The following KCNIP4 variants were observed in gnomAD, a reference collection of about 807,000 sequenced individuals.
KCNIP4 encodes the protein potassium voltage-gated channel interacting protein 4.
A neutral mutation model predicts 34.0 loss-of-function variants in KCNIP4; 12 were observed. That is an observed-to-expected ratio of 0.35 (90% confidence interval 0.23 to 0.57). The LOEUF is 0.57. KCNIP4 is among the 20% of genes least tolerant of loss of function. The probability of loss-of-function intolerance (pLI) is 0.83; values close to 1 mark genes in which losing one functional copy is unlikely to be tolerated. For synonymous variants in KCNIP4, 124 were observed against 102.2 expected, an observed-to-expected ratio of 1.21 and a Z score of -1.29; for missense variants, 238 against 311.7, an observed-to-expected ratio of 0.76 and a Z score of 1.78.
intron 1 of KCNIP4, among the ~76,000 whole-genome samples, chr4:21,603,458 G>T (rs112818157): frequency 0.014 from 2,176 of 152,268 alleles, 20 homozygotes; most frequent in Non-Finnish European, 0.025. Context: ...AAAGAAGAAA[G>T]TGCAAAATCC....
At chr4:20,949,266 T>C (rs1732521190) in intron 1 of KCNIP4, among the ~76,000 whole-genome samples, 1 of 152,224 alleles carries the variant, frequency 6.6e-6, no homozygotes, top group East Asian at 1.9e-4. Context: ...TTGAATAAAA[T>C]GTATTATGCT....
intron 1 of KCNIP4, among the ~76,000 whole-genome samples, chr4:21,228,256 A>G (rs182447594): frequency 6.6e-6 from 1 of 152,068 alleles, no homozygotes; most frequent in African/African-American, 2.4e-5. Flanking sequence ...GTGAGTTCTT[A>G]CAAGATCTGA....
At chr4:20,819,774 C>G (rs1458455536) in intron 3 of KCNIP4, among the ~76,000 whole-genome samples, 1 of 152,112 alleles carries the variant, frequency 6.6e-6, no homozygotes, top group East Asian at 1.9e-4. Flanking sequence ...GCTCTTCCAC[C>G]CCTTCTACCA....
intron 1 of KCNIP4, among the ~76,000 whole-genome samples, chr4:21,141,631 A>G (rs1751959541): frequency 6.6e-6 from 1 of 152,180 alleles, no homozygotes; most frequent in African/African-American, 2.4e-5. Context: ...ATACACGCTT[A>G]CCATAGAAGA....
At chr4:20,882,536 G>A in intron 2 of KCNIP4, 72 bp downstream of exon 2, 2 of 957,476 alleles carry the variant, frequency 2.1e-6, no homozygotes, top group African/African-American at 1.6e-5. Context: ...GTAGAGAACG[G>A]CAATGCATGC....
intron 1 of KCNIP4, among the ~76,000 whole-genome samples, chr4:21,141,878 A>C (rs970653244): frequency 6.6e-6 from 1 of 150,376 alleles, no homozygotes; most frequent in Non-Finnish European, 1.5e-5. Context: ...AAAAAAAAAA[A>C]CCCTGGCTCA....
intron 1 of KCNIP4, among the ~76,000 whole-genome samples, chr4:20,970,209 G>A (rs1734794278): frequency 6.6e-6 from 1 of 152,128 alleles, no homozygotes; most frequent in African/African-American, 2.4e-5. Flanking sequence ...CCAAAGTGCT[G>A]GGATTACAGG....
At chr4:21,438,719 AT>A (rs1205602031) in intron 1 of KCNIP4, among the ~76,000 whole-genome samples, 1 of 152,206 alleles carries the variant, frequency 6.6e-6, no homozygotes, top group Middle Eastern at 3.2e-3. Context: ...CATTTACATA[AT>A]CATTTTATTA....
intron 1 of KCNIP4, among the ~76,000 whole-genome samples, chr4:21,431,666 G>C (rs1726460882): frequency 6.6e-6 from 1 of 152,006 alleles, no homozygotes; most frequent in African/African-American, 2.4e-5. Flanking sequence ...AAATGATGCA[G>C]AATGGGGATA....
chr4:21,906,381 C>G (rs560805788), intron 1 of KCNIP4, among the ~76,000 whole-genome samples: 1 of 151,990 alleles, frequency 6.6e-6, no homozygotes, highest in Admixed American at 6.6e-5. Context: ...GAAAAGCGAA[C>G]GTGAAGATAG....
intron 1 of KCNIP4, among the ~76,000 whole-genome samples, chr4:21,454,222 C>T (rs1728740269): frequency 1.3e-5 from 2 of 152,072 alleles, no homozygotes; most frequent in South Asian, 2.1e-4. Flanking sequence ...AATCTCCCAA[C>T]AGTGCCAACG....
Position 21,458,219 on chromosome 4 carries a change from C to T in KCNIP4, c.61+490352G>A, listed in dbSNP as rs1158369899. On this transcript the variant is annotated intron_variant, in intron 1 of 8. Coordinates refer to ENST00000382152, the MANE Select transcript of KCNIP4 (RefSeq NM_025221.6). Reference sequence around the variant, plus strand: ...CCATGTGATCTCATTGTTCAATTCCCACCTATGAGTGAGAATATGCGGTGT... The same window carrying T: ...CCATGTGATCTCATTGTTCAATTCCTACCTATGAGTGAGAATATGCGGTGT... Among the ~76,000 whole-genome samples, 7 of 146,872 alleles carry T rather than the reference C, an allele frequency of 4.8e-5. No individual in the cohort carries two copies. In the South Asian group the frequency reaches 1.1e-3, roughly 23 times the overall value.
chr4:20,910,016 G>T (rs1243090638), intron 1 of KCNIP4, among the ~76,000 whole-genome samples: 1 of 152,158 alleles, frequency 6.6e-6, no homozygotes, highest in East Asian at 1.9e-4. Flanking sequence ...ATTTCTATAG[G>T]TTTAAGCAGC....
intron 1 of KCNIP4, among the ~76,000 whole-genome samples, chr4:21,057,443 A>T (rs181463595): frequency 1.3e-5 from 2 of 151,948 alleles, no homozygotes; most frequent in Non-Finnish European, 2.9e-5. Context: ...TGTAGCTGTA[A>T]TTTTTTTTCA....
intron 1 of KCNIP4, among the ~76,000 whole-genome samples, chr4:20,938,703 A>G (rs1486184001): frequency 1.3e-5 from 2 of 152,128 alleles, no homozygotes; most frequent in Non-Finnish European, 2.9e-5. Flanking sequence ...TGAGGCCTAC[A>G]TTTTATCATA....
At chr4:21,143,724 G>A (rs1752145291) in intron 1 of KCNIP4, among the ~76,000 whole-genome samples, 1 of 148,560 alleles carries the variant, frequency 6.7e-6, no homozygotes, top group South Asian at 2.1e-4. Context: ...TTTTTTTTGA[G>A]ATGGAGTCTC....
chr4:21,582,077 GGAATGGA>G (rs1169465608), intron 1 of KCNIP4: 5 of 149,312 alleles, frequency 3.3e-5, no homozygotes, highest in African/African-American at 1.0e-4. Flanking sequence ...GGAATGGAAT[GGAATGGA>G]ATGGGATGGG....
At position 20,918,132 on chromosome 4, in the gene KCNIP4, C is replaced by T. The variant is rs567203395; in HGVS notation, c.62-35423G>A. Among the ~76,000 whole-genome samples, 51 of 152,036 alleles carry T rather than the reference C, an allele frequency of 3.4e-4. No homozygotes were observed. The East Asian group carries it at 7.9e-3, about 24-fold the overall frequency. ...AAAACCAATACATTGCAGAGTTGGA[C>T]GGAATGTGAAACAAGCTCATCTCTG... On this transcript the variant is annotated intron_variant, in intron 1 of 8. Coordinates refer to ENST00000382152, the MANE Select transcript of KCNIP4 (RefSeq NM_025221.6).
chr4:20,835,998 G>T (rs769856269), intron 3 of KCNIP4, among the ~76,000 whole-genome samples: 13 of 151,980 alleles, frequency 8.6e-5, no homozygotes, highest in Non-Finnish European at 1.6e-4. Context: ...TCATAACTTG[G>T]CTAGTTTACT....
Sources: gnomAD v4.1 joint callset for allele counts (sites outside exome capture counted in the v4.1 genomes callset) on GRCh38, gnomAD v4.1.1 for gene constraint, MANE v1.5 for transcripts, NCBI Gene and HGNC (gene_info 2026-07-23, HGNC 2026-07-21) for gene names.